LRRTM3: variants seen among roughly 807,000 people sequenced by gnomAD.
LRRTM3 encodes leucine-rich repeat transmembrane neuronal protein 3.
A neutral mutation model predicts 44.7 loss-of-function variants in LRRTM3; 24 were observed. That is an observed-to-expected ratio of 0.54 (90% CI 0.39 to 0.76). The LOEUF (loss-of-function observed/expected upper bound fraction) is 0.76, where lower values mean the gene tolerates loss of function less well. LRRTM3 is among the 30% of genes least tolerant of loss of function. The pLI, the probability that LRRTM3 is intolerant of heterozygous loss-of-function variation, is 0.00. For synonymous variants in LRRTM3, 277 were observed against 278.7 expected, an observed-to-expected ratio of 0.99 and a Z score of 0.06; for missense variants, 587 against 702.2, an observed-to-expected ratio of 0.84 and a Z score of 1.85.
At chr10:67,005,137 T>A (rs1304902819) in intron 2 of LRRTM3, among the ~76,000 whole-genome samples, 1 of 152,180 alleles carries the variant, frequency 6.6e-6, no homozygotes, top group Non-Finnish European at 1.5e-5. Flanking sequence ...TTTACCTGGA[T>A]AATAAATTAA....
At chr10:66,934,557 G>T (rs897973219) in intron 2 of LRRTM3, among the ~76,000 whole-genome samples, 2 of 152,096 alleles carry the variant, frequency 1.3e-5, no homozygotes, top group Non-Finnish European at 2.9e-5. Flanking sequence ...AGTATATTAT[G>T]ATTTGCAATT....
At chr10:66,979,575 C>G (rs1850292013) in intron 2 of LRRTM3, among the ~76,000 whole-genome samples, 5 of 152,072 alleles carry the variant, frequency 3.3e-5, no homozygotes, top group Admixed American at 3.3e-4. Context: ...GCCATGCGAC[C>G]TGGAAGAATT....
intron 2 of LRRTM3, among the ~76,000 whole-genome samples, chr10:67,037,917 A>C (rs116527792): frequency 0.012 from 1,834 of 152,242 alleles, 47 homozygotes; most frequent in African/African-American, 0.042. Flanking sequence ...CAGGACAGAA[A>C]CCCAGGAATA....
At chr10:67,084,726 A>C (rs1281307344) in intron 2 of LRRTM3, among the ~76,000 whole-genome samples, 1 of 151,962 alleles carries the variant, frequency 6.6e-6, no homozygotes, top group Non-Finnish European at 1.5e-5. Context: ...TATTGCTATT[A>C]CTCATAAAAG....
chr10:67,075,261 A>G (rs914708684), intron 2 of LRRTM3, among the ~76,000 whole-genome samples: 5 of 152,176 alleles, frequency 3.3e-5, no homozygotes, highest in African/African-American at 1.2e-4. Flanking sequence ...GAAATCTTAA[A>G]TTAAAAAAAA....
At position 67,099,892 on chromosome 10, in the gene LRRTM3, T is replaced by C. The variant is rs1858240196; in HGVS notation, c.*2096T>C. 1 of 151,772 alleles carries C rather than the reference T, an allele frequency of 6.6e-6. No homozygotes were observed. The highest frequency in any genetic ancestry group is 1.5e-5 in the Non-Finnish European group (1 of 67,802). 9.4% of individuals were successfully genotyped at this position (151,772 alleles called of 1,614,324 possible). A position where few individuals can be genotyped will look rare whatever the true frequency, so the allele number is the denominator to read the frequency against. ...TACATTGAAATTTGGCTTTACGTCGTTAGCAAATTTATAAAGGGTTATAAA... is the reference window on the plus strand; with the variant it reads ...TACATTGAAATTTGGCTTTACGTCGCTAGCAAATTTATAAAGGGTTATAAA... On this transcript the variant is annotated 3_prime_UTR_variant, in exon 3 of 3. Coordinates refer to ENST00000361320, the MANE Select transcript of LRRTM3 (RefSeq NM_178011.5).
intron 2 of LRRTM3, among the ~76,000 whole-genome samples, chr10:66,993,584 T>C (rs536746845): frequency 6.6e-6 from 1 of 152,228 alleles, no homozygotes; most frequent in Non-Finnish European, 1.5e-5. Flanking sequence ...TTAACTTGTC[T>C]GGTTCCATCC....
intron 2 of LRRTM3, among the ~76,000 whole-genome samples, chr10:67,078,275 C>T (rs1211678198): frequency 1.3e-5 from 2 of 152,186 alleles, no homozygotes; most frequent in African/African-American, 4.8e-5. Flanking sequence ...ATGTGTACTT[C>T]CAAGACTGTA....
intron 2 of LRRTM3, among the ~76,000 whole-genome samples, chr10:66,943,233 T>C (rs115930426): frequency 0.02 from 3,032 of 152,270 alleles, 92 homozygotes; most frequent in African/African-American, 0.069. Context: ...TGACACAAGA[T>C]CTGTGAAATG....
chr10:66,984,658 AC>A (rs1850628483), intron 2 of LRRTM3, among the ~76,000 whole-genome samples: 1 of 152,176 alleles, frequency 6.6e-6, no homozygotes. Flanking sequence ...CAGAAGTTTT[AC>A]CCTCTTAATT....
At chr10:66,981,863 T>C (rs1355448562) in intron 2 of LRRTM3, among the ~76,000 whole-genome samples, 2 of 152,192 alleles carry the variant, frequency 1.3e-5, no homozygotes, top group Non-Finnish European at 2.9e-5. Flanking sequence ...CAGTGTTCTA[T>C]AATTTTCCCA....
chr10:67,055,431 G>GC (rs56060443), intron 2 of LRRTM3, among the ~76,000 whole-genome samples: 83,729 of 151,830 alleles, frequency 0.55, 23,432 homozygotes, highest in East Asian at 0.78. Flanking sequence ...CACAGTTCCT[G>GC]TCCAAAGGGA....
chr10:67,054,880 CATT>C (rs1855331454), intron 2 of LRRTM3: 1 of 152,138 alleles, frequency 6.6e-6, no homozygotes, highest in Non-Finnish European at 1.5e-5. Flanking sequence ...CCTGTTAGTA[CATT>C]ATAGCAACTA....
chr10:67,054,227 C>T (rs1384872946), intron 2 of LRRTM3, among the ~76,000 whole-genome samples: 2 of 152,034 alleles, frequency 1.3e-5, no homozygotes, highest in African/African-American at 4.8e-5. Context: ...AAAGGCTGTA[C>T]CCCAATAATA....
intron 2 of LRRTM3, among the ~76,000 whole-genome samples, chr10:67,045,293 T>C (rs1854655850): frequency 6.6e-6 from 1 of 152,212 alleles, no homozygotes; most frequent in Non-Finnish European, 1.5e-5. Flanking sequence ...ACCATCTTTG[T>C]TCCCAAGGAG....
At chr10:66,940,863 A>C (rs1435267364) in intron 2 of LRRTM3, among the ~76,000 whole-genome samples, 2 of 152,206 alleles carry the variant, frequency 1.3e-5, no homozygotes, top group Admixed American at 1.3e-4. Context: ...GTAATATGAC[A>C]AAACAGATTT....
chr10:67,070,459 A>C (rs1253204175), intron 2 of LRRTM3, among the ~76,000 whole-genome samples: 1 of 152,094 alleles, frequency 6.6e-6, no homozygotes, highest in East Asian at 1.9e-4. Flanking sequence ...CGATTAAGAA[A>C]TCCTTGTGGC....
chr10:67,006,837 A>C (rs1852021674), intron 2 of LRRTM3, among the ~76,000 whole-genome samples: 2 of 151,946 alleles, frequency 1.3e-5, no homozygotes, highest in Non-Finnish European at 2.9e-5. Flanking sequence ...TCTGTTGCCC[A>C]GGCTGGAGTG....
chr10:66,965,549 G>GAA lies in LRRTM3; in HGVS notation c.1536+37108_1536+37109dup, dbSNP rs386371673. ...ACTCCGTCTCAAAAAAGAAAGAAAA[G>GAA]AAAAAAAAAAAAGCTGTTTTTTTTT... is the stretch of plus-strand genomic sequence containing the variant. On this transcript the variant is annotated intron_variant, in intron 2 of 2. Transcript: ENST00000361320. Among the ~76,000 whole-genome samples, 78 of 120,224 alleles carry GAA rather than the reference G, an allele frequency of 6.5e-4. 1 individual carries two copies. The highest frequency in any genetic ancestry group is 1.8e-3 in the East Asian group (8 of 4,332). The allele number at this position is 120,224 out of a possible 152,430, so 78.9% of individuals were successfully genotyped here. A position where few individuals can be genotyped will look rare whatever the true frequency, so the allele number is the denominator to read the frequency against.
Sources: gnomAD v4.1 joint callset for allele counts (sites outside exome capture counted in the v4.1 genomes callset) on GRCh38, gnomAD v4.1.1 for gene constraint, MANE v1.5 for transcripts, NCBI Gene and HGNC (gene_info 2026-07-23, HGNC 2026-07-21) for gene names.